SPATA13: variants seen among roughly 807,000 people sequenced by gnomAD.
SPATA13 encodes spermatogenesis associated 13.
In SPATA13, 50 loss-of-function variants were observed where a neutral mutation model predicts 104.0. That is an observed-to-expected ratio of 0.48 (90% confidence interval 0.38 to 0.61). The LOEUF (loss-of-function observed/expected upper bound fraction) is 0.61. SPATA13 is among the 20% of genes least tolerant of loss of function. SPATA13 has a pLI of 0.00. For missense variants in SPATA13, 1,524 were observed against 1,690.6 expected (o/e 0.90, Z 1.73); for synonymous variants, 606 against 667.5 (o/e 0.91, Z 1.42).
At chr13:24,066,785 G>A (rs531012017) in intron 3 of SPATA13, among the ~76,000 whole-genome samples, 1 of 152,202 alleles carries the variant, frequency 6.6e-6, no homozygotes, top group South Asian at 2.1e-4. Flanking sequence ...GGTTGACAAT[G>A]CCAACTGCAC....
chr13:24,042,687 A>T (rs1877979350), intron 3 of SPATA13, among the ~76,000 whole-genome samples: 2 of 152,234 alleles, frequency 1.3e-5, no homozygotes, highest in South Asian at 4.1e-4. Flanking sequence ...CTCAAAATGC[A>T]TTGTGCATGC....
intron 3 of SPATA13, among the ~76,000 whole-genome samples, chr13:24,041,744 CT>C (rs1305285901): frequency 6.6e-6 from 1 of 152,140 alleles, no homozygotes; most frequent in Non-Finnish European, 1.5e-5. Flanking sequence ...CCCATTTATT[CT>C]CACTCAACCC....
intron 3 of SPATA13, among the ~76,000 whole-genome samples, chr13:24,104,249 T>G (rs73459039): frequency 0.03 from 4,564 of 152,026 alleles, 155 homozygotes; most frequent in African/African-American, 0.084. Flanking sequence ...GTTTTTTTTT[T>G]TTGTTTTTTG....
At chr13:24,274,548 C>T (rs1380397178) in intron 4 of SPATA13, among the ~76,000 whole-genome samples, 1 of 152,248 alleles carries the variant, frequency 6.6e-6, no homozygotes, top group Non-Finnish European at 1.5e-5. Flanking sequence ...CCTCTGTGTG[C>T]ATCTCCGTGG....
chr13:23,998,345 T>G (rs1194586178), intron 2 of SPATA13, among the ~76,000 whole-genome samples: 1 of 152,222 alleles, frequency 6.6e-6, no homozygotes, highest in East Asian at 1.9e-4. Flanking sequence ...TGAGCTTTTT[T>G]CTTGTTCTTA....
chr13:24,300,432 T>C lies in SPATA13; in HGVS notation c.3615T>C (p.Leu1205=). The change falls in exon 12 of 13, where the codon CTT becomes CTC. Residue 1205 remains leucine (L), a synonymous_variant. Transcript: ENST00000382108. ...GMEISENQKK[L]AMLNAQKAGH... is the part of the protein sequence containing the mutation. ...AAATTTCAGAAAACCAGAAGAAACT[T>C]GCCATGTTAAATGCTCAAAAGGCAG... The C allele has an allele frequency of 6.2e-7, 1 of 1,613,812 alleles. No homozygotes were observed. Among genetic ancestry groups the C allele is most frequent in the Non-Finnish European group, 8.5e-7 (1 of 1,179,956 alleles).
At chr13:24,264,987 A>G (rs1438733739) in intron 4 of SPATA13, among the ~76,000 whole-genome samples, 1 of 152,228 alleles carries the variant, frequency 6.6e-6, no homozygotes, top group African/African-American at 2.4e-5. Flanking sequence ...CGCTGAGAGC[A>G]CATATTCGCT....
intron 3 of SPATA13, among the ~76,000 whole-genome samples, chr13:24,136,463 T>G (rs1881571087): frequency 6.9e-6 from 1 of 144,580 alleles, no homozygotes. Context: ...GTAACAAGAG[T>G]GAAACTTAGT....
At chr13:24,140,382 T>C (rs1881723961) in intron 3 of SPATA13, among the ~76,000 whole-genome samples, 1 of 152,238 alleles carries the variant, frequency 6.6e-6, no homozygotes. Flanking sequence ...TTTCAAAATA[T>C]AAAAGGTTCA....
chr13:24,130,717 G>T (rs1291641853), intron 3 of SPATA13, among the ~76,000 whole-genome samples: 2 of 152,236 alleles, frequency 1.3e-5, no homozygotes, highest in Non-Finnish European at 2.9e-5. Flanking sequence ...CAGACCACAT[G>T]TGAAGAAGTA....
chr13:24,015,881 A>C (rs899402783), intron 2 of SPATA13, among the ~76,000 whole-genome samples: 7 of 152,154 alleles, frequency 4.6e-5, no homozygotes, highest in Non-Finnish European at 1.5e-5. Context: ...TCTTAGAAAT[A>C]ATTTAAAACA....
intron 1 of SPATA13, among the ~76,000 whole-genome samples, chr13:24,172,701 T>C (rs1197670389): frequency 2.0e-5 from 3 of 151,932 alleles, no homozygotes; most frequent in Non-Finnish European, 2.9e-5. Flanking sequence ...TTTACTCTGT[T>C]CTTTTGATCT....
In SPATA13 at chr13:24,288,956, A is replaced by T. The variant is rs375577567; in HGVS notation, c.2668-43A>T. The T allele has an allele frequency of 2.0e-6, 3 of 1,535,872 alleles. No homozygotes were observed. In the South Asian group the frequency reaches 3.7e-5, roughly 19 times the overall value. Reference sequence around the variant, plus strand: ...AAAAGCTGTACTATTCAAATAATTTATTTGGATTTCCAAATAAAAAGTATT... The same window carrying T: ...AAAAGCTGTACTATTCAAATAATTTTTTTGGATTTCCAAATAAAAAGTATT... On this transcript the variant is annotated intron_variant, in intron 7 of 12. Coordinates refer to ENST00000382108, the MANE Select transcript of SPATA13 (RefSeq NM_001166271.3).
chr13:24,283,140 G>T (rs769181312), intron 4 of SPATA13, among the ~76,000 whole-genome samples: 1 of 152,164 alleles, frequency 6.6e-6, no homozygotes, highest in Non-Finnish European at 1.5e-5. Context: ...GTTCTGAGTC[G>T]CCTGCTCCTC....
chr13:24,130,081 G>A (rs372079653), intron 3 of SPATA13, among the ~76,000 whole-genome samples: 7 of 152,234 alleles, frequency 4.6e-5, no homozygotes, highest in African/African-American at 1.4e-4. Context: ...TGCCCAGAGT[G>A]GTGGTGAACA....
intron 3 of SPATA13, among the ~76,000 whole-genome samples, chr13:24,087,083 A>G (rs1226448953): frequency 2.0e-5 from 3 of 152,184 alleles, no homozygotes; most frequent in Non-Finnish European, 4.4e-5. Context: ...CCCCAGTCAC[A>G]GTGGGCTTGG....
intron 1 of SPATA13, among the ~76,000 whole-genome samples, chr13:24,201,148 T>C (rs916484880): frequency 6.6e-6 from 1 of 151,610 alleles, no homozygotes; most frequent in Non-Finnish European, 1.5e-5. Context: ...AGTGAGGTTA[T>C]CATGCTTATT....
At chr13:24,062,881 C>G (rs977017843) in intron 3 of SPATA13, among the ~76,000 whole-genome samples, 1 of 152,156 alleles carries the variant, frequency 6.6e-6, no homozygotes, top group African/African-American at 2.4e-5. Flanking sequence ...GAAACTGTTG[C>G]AAACTGCATG....
intron 2 of SPATA13, among the ~76,000 whole-genome samples, chr13:23,993,562 C>T (rs542862812): frequency 7.9e-5 from 12 of 152,330 alleles, no homozygotes; most frequent in African/African-American, 1.9e-4. Flanking sequence ...AGGACGTTCT[C>T]GGCCCAGCAC....
Sources: gnomAD v4.1 joint callset for allele counts (sites outside exome capture counted in the v4.1 genomes callset) on GRCh38, gnomAD v4.1.1 for gene constraint, MANE v1.5 for transcripts, NCBI Gene and HGNC (gene_info 2026-07-23, HGNC 2026-07-21) for gene names.